The following ABR variants were observed in gnomAD, a reference collection of about 807,000 sequenced individuals.
ABR encodes the protein ABR activator of RhoGEF and GTPase, also known as active breakpoint cluster region-related protein.
A neutral mutation model predicts 107.2 loss-of-function variants in ABR; 35 were observed. The observed-to-expected ratio is 0.33, with a 90% CI of 0.25 to 0.43. ABR has a LOEUF of 0.43. ABR is among the 20% of genes least tolerant of loss of function. ABR has a pLI of 1.00. For synonymous variants in ABR, 498 were observed against 462.0 expected (o/e 1.08, Z -1.00); for missense variants, 815 against 1,115.2 (o/e 0.73, Z 3.83).
chr17:1,229,493 T>C (rs1228994570), exon 1 of ABR, among the ~76,000 whole-genome samples: 2 of 151,836 alleles, frequency 1.3e-5, no homozygotes, highest in African/African-American at 4.8e-5. Context: ...CCAGCACCTG[T>C]TGCAGCCGCT....
intron 2 of ABR, among the ~76,000 whole-genome samples, chr17:1,109,608 G>A (rs1290159993): frequency 6.6e-6 from 1 of 152,016 alleles, no homozygotes; most frequent in Admixed American, 6.5e-5. Flanking sequence ...GCGCGGCCGA[G>A]CCAGGAGCCC....
chr17:1,172,471 C>T (rs1176606843), intron 1 of ABR, among the ~76,000 whole-genome samples: 1 of 152,152 alleles, frequency 6.6e-6, no homozygotes, highest in African/African-American at 2.4e-5. Flanking sequence ...TACTCCTGGG[C>T]CGGGCACGGT....
In ABR at chr17:1,157,634, C is replaced by T. The variant is rs147005714; in HGVS notation, c.61+22033G>A. Reference sequence around the variant, plus strand: ...GAAGCAGCAACTACAAGGGAAGAGCCGCTGCTGGAACACGCCCAGCGGAAC... The same window carrying T: ...GAAGCAGCAACTACAAGGGAAGAGCTGCTGCTGGAACACGCCCAGCGGAAC... On this transcript the variant is annotated intron_variant, in intron 1 of 22. Transcript: ENST00000302538. This position sits in a 1 kb window ranked among gnomAD's most constrained non-coding sequence, Gnocchi z 4.7. 2.6e-5 allele frequency among the ~76,000 whole-genome samples: 4 copies of T among 152,234 alleles called. No homozygotes were observed. The highest frequency in any genetic ancestry group is 7.2e-5 in the African/African-American group (3 of 41,458).
intron 1 of ABR, among the ~76,000 whole-genome samples, chr17:1,130,768 AAG>A (rs1181753450): frequency 6.6e-6 from 1 of 152,196 alleles, no homozygotes; most frequent in Non-Finnish European, 1.5e-5. Context: ...TGGAAAGAGA[AAG>A]GGGGAAAACA....
chr17:1,125,586 C>T (rs1350981259), intron 1 of ABR: 7 of 376,020 alleles, frequency 1.9e-5, no homozygotes, highest in South Asian at 9.6e-5. Flanking sequence ...TGCTGGGAGG[C>T]GGGGAGGAGC....
intron 1 of ABR, among the ~76,000 whole-genome samples, chr17:1,226,382 T>C (rs2043214215): frequency 1.3e-5 from 2 of 152,174 alleles, no homozygotes; most frequent in Non-Finnish European, 2.9e-5. Flanking sequence ...CACATGTATG[T>C]ACATGTGCAG....
At chr17:1,166,107 T>C (rs564650857) in intron 1 of ABR, among the ~76,000 whole-genome samples, 27 of 145,832 alleles carry the variant, frequency 1.9e-4, no homozygotes, top group African/African-American at 6.7e-4. Context: ...GTCCCACCTC[T>C]GCTCTCCCAG....
At position 1,084,463 on chromosome 17, in the gene ABR, T is replaced by C. The variant is rs2036465442; in HGVS notation, c.532-836A>G. On this transcript the variant is annotated intron_variant, in intron 4 of 22. Transcript: ENST00000302538. The surrounding 1 kb of genome is among the most constrained non-coding windows in gnomAD (Gnocchi z 4.2). ...CCGTCCTCACCTCTTCCACCTCCTC[T>C]ACCTCCAAGGAGCCAAAGCCCCAGC... Among the ~76,000 whole-genome samples, 1 of 152,226 alleles carries C rather than the reference T, an allele frequency of 6.6e-6. No homozygotes were observed. Among genetic ancestry groups the C allele is most frequent in the Admixed American group, 6.5e-5 (1 of 15,284 alleles).
chr17:1,188,821 G>C (rs2042370741), upstream of ABR, among the ~76,000 whole-genome samples: 1 of 152,162 alleles, frequency 6.6e-6, no homozygotes, highest in African/African-American at 2.4e-5. Context: ...GTGGATGGAG[G>C]GGGCAGTCTG....
rs535665920 is a variant in ABR, at chr17:1,136,527, C to T, written c.62-11160G>A. The stretch of plus-strand genomic sequence containing the variant: ...TACAGGCGTGAGCCACCGCGCCTGG[C>T]CAAAAATCTGATGTTTAGTGCGGTG... On this transcript the variant is annotated intron_variant, in intron 1 of 22. Transcript: ENST00000302538. Among the ~76,000 whole-genome samples, 233 of 152,284 alleles carry T rather than the reference C, an allele frequency of 1.5e-3. 1 individual carries two copies. The highest frequency in any genetic ancestry group is 5.4e-3 in the African/African-American group (223 of 41,558).
chr17:1,224,750 C>A (rs945639722), intron 1 of ABR, among the ~76,000 whole-genome samples: 3 of 152,206 alleles, frequency 2.0e-5, no homozygotes, highest in Admixed American at 1.3e-4. Context: ...TCATAGCTCA[C>A]TGAAGCCTCG....
chr17:1,201,591 T>A (rs1378875541), intron 1 of ABR, among the ~76,000 whole-genome samples: 1 of 152,190 alleles, frequency 6.6e-6, no homozygotes, highest in Non-Finnish European at 1.5e-5. Context: ...TTGTGCGTGG[T>A]GTGAAGGTCA....
rs1464407105 is a variant in ABR at position 1,200,147 on chromosome 17, T to TA, written c.838+28645_838+28646insT. ...TCAAAAATATTTGGGAGGAAAACAA[T>TA]TAAAAAAAAACACCACAAAAATAAA... On this transcript the variant is annotated intron_variant, in intron 1 of 22. Transcript: ENST00000574139. The surrounding 1 kb of genome is among the most constrained non-coding windows in gnomAD (Gnocchi z 4.1). 7.4e-4 allele frequency among the ~76,000 whole-genome samples: 111 copies of TA among 149,940 alleles called. 1 individual carries two copies. Among genetic ancestry groups the TA allele is most frequent in the African/African-American group, 2.4e-3 (100 of 40,916 alleles).
intron 16 of ABR, among the ~76,000 whole-genome samples, chr17:1,041,317 C>A (rs1032356630): frequency 6.6e-6 from 1 of 152,244 alleles, no homozygotes; most frequent in Non-Finnish European, 1.5e-5. Flanking sequence ...TAAACAGAAA[C>A]AAGTGAGTGA....
At chr17:1,082,177 C>T (rs962145641) in intron 5 of ABR, among the ~76,000 whole-genome samples, 1 of 152,162 alleles carries the variant, frequency 6.6e-6, no homozygotes, top group African/African-American at 2.4e-5. Flanking sequence ...GCAGAAGCTT[C>T]TCCCCTTTTC....
At chr17:1,018,383 T>C (rs2071367418) in intron 16 of ABR, among the ~76,000 whole-genome samples, 1 of 152,188 alleles carries the variant, frequency 6.6e-6, no homozygotes, top group Non-Finnish European at 1.5e-5. Flanking sequence ...GTTGTATGTA[T>C]TTATGGGGCG....
At chr17:1,177,739 A>T (rs1598060644) in intron 1 of ABR, among the ~76,000 whole-genome samples, 1 of 152,196 alleles carries the variant, frequency 6.6e-6, no homozygotes, top group African/African-American at 2.4e-5. Context: ...CAGGAACATA[A>T]GCACGCGTGA....
chr17:1,182,482 C>T (rs1447444647), upstream of ABR, among the ~76,000 whole-genome samples: 2 of 152,196 alleles, frequency 1.3e-5, no homozygotes, highest in Non-Finnish European at 2.9e-5. Flanking sequence ...ATTCTCTTGC[C>T]TCAGCCTCCC....
At chr17:1,096,726 A>T (rs577840043) in intron 3 of ABR, among the ~76,000 whole-genome samples, 14 of 136,546 alleles carry the variant, frequency 1.0e-4, no homozygotes, top group East Asian at 2.5e-4. Flanking sequence ...AAGGGGGGGA[A>T]CCTGCCCCGG....
Sources: gnomAD v4.1 joint callset for allele counts (sites outside exome capture counted in the v4.1 genomes callset) on GRCh38, gnomAD v4.1.1 for gene constraint, Gnocchi (gnomAD v3.1) non-coding constraint, MANE v1.5 for transcripts, NCBI Gene and HGNC (gene_info 2026-07-23, HGNC 2026-07-21) for gene names.